Variants in PPP2R2B observed in about 807,000 individuals in gnomAD.
PPP2R2B encodes serine/threonine-protein phosphatase 2A 55 kDa regulatory subunit B beta isoform.
A neutral mutation model predicts 46.0 loss-of-function variants in PPP2R2B; 5 were observed. The observed-to-expected ratio is 0.11, with a 90% CI of 0.06 to 0.23. PPP2R2B has a LOEUF of 0.23. Among genes scored for constraint, PPP2R2B ranks in the 10% least tolerant of loss-of-function variants. PPP2R2B has a pLI of 1.00. For synonymous variants in PPP2R2B, 215 were observed against 206.7 expected (o/e 1.04, Z -0.34); for missense variants, 367 against 575.0 (o/e 0.64, Z 3.70).
Position 146,641,589 on chromosome 5 carries a change from G to T in PPP2R2B, c.626-3174C>A, listed in dbSNP as rs77233956. On this transcript the variant is annotated intron_variant, in intron 6 of 9. Coordinates refer to ENST00000394411, the MANE Select transcript of PPP2R2B (RefSeq NM_181675.4). Reference sequence around the variant, plus strand: ...TTATTTGGATTTTTACCTGCTGGAGGATTTGGTGAGTTCTAGAAACATTTG... The same window carrying T: ...TTATTTGGATTTTTACCTGCTGGAGTATTTGGTGAGTTCTAGAAACATTTG... Among the ~76,000 whole-genome samples the T allele has an allele frequency of 2.7e-5, 4 of 150,210 alleles. No individual in the cohort carries two copies. The Admixed American group carries it at 2.7e-4, about 10-fold the overall frequency.
At chr5:146,790,911 C>A (rs1291308526) in intron 2 of PPP2R2B, among the ~76,000 whole-genome samples, 1 of 152,152 alleles carries the variant, frequency 6.6e-6, no homozygotes, top group Non-Finnish European at 1.5e-5. Flanking sequence ...TGATTCTGAA[C>A]TATACTAGAG....
intron 2 of PPP2R2B, among the ~76,000 whole-genome samples, chr5:146,839,899 CT>C (rs1759523086): frequency 1.3e-5 from 2 of 152,122 alleles, no homozygotes. Flanking sequence ...TTTTTACTTC[CT>C]TAGGGTATGA....
rs374416018 is a variant in PPP2R2B at position 147,078,462 on chromosome 5, A to C, written c.50+2597T>G. Among the ~76,000 whole-genome samples, 10 of 152,080 alleles carry C rather than the reference A, an allele frequency of 6.6e-5. No individual in the cohort carries two copies. The East Asian group carries it at 1.2e-3, about 18-fold the overall frequency. ...CTTGTGGTGCCCAAAGCCAGTCCAC[A>C]ACATCAGAATTAACTGGGTAAACTC... On this transcript the variant is annotated intron_variant, in intron 2 of 10. Coordinates refer to the PPP2R2B transcript ENST00000394413.
At chr5:146,788,620 A>C (rs1369023272) in intron 2 of PPP2R2B, among the ~76,000 whole-genome samples, 1 of 152,128 alleles carries the variant, frequency 6.6e-6, no homozygotes, top group African/African-American at 2.4e-5. Context: ...AATCCCAGCT[A>C]CTTGGGAGGC....
chr5:146,763,655 A>G (rs1754298324), intron 2 of PPP2R2B, among the ~76,000 whole-genome samples: 1 of 152,218 alleles, frequency 6.6e-6, no homozygotes, highest in Non-Finnish European at 1.5e-5. Flanking sequence ...AGTTCTGTTA[A>G]AAGAATGCTT....
chr5:146,872,596 G>C (rs1761678579), intron 2 of PPP2R2B, among the ~76,000 whole-genome samples: 1 of 152,094 alleles, frequency 6.6e-6, no homozygotes, highest in Non-Finnish European at 1.5e-5. Context: ...GGGGATGGAG[G>C]AGGAATCTTT....
At chr5:146,710,610 C>T (rs1287680579) in intron 2 of PPP2R2B, among the ~76,000 whole-genome samples, 1 of 152,210 alleles carries the variant, frequency 6.6e-6, no homozygotes, top group African/African-American at 2.4e-5. Flanking sequence ...GTGTGGTTTA[C>T]AGTGGAATCT....
chr5:146,974,656 T>A (rs552879399), intron 1 of PPP2R2B, among the ~76,000 whole-genome samples: 20 of 151,966 alleles, frequency 1.3e-4, no homozygotes, highest in African/African-American at 4.6e-4. Context: ...ACTTAAAGTA[T>A]AATTTAAAAA....
At chr5:146,982,560 G>A (rs1054921436) in intron 1 of PPP2R2B, among the ~76,000 whole-genome samples, 5 of 152,056 alleles carry the variant, frequency 3.3e-5, no homozygotes, top group African/African-American at 4.8e-5. Flanking sequence ...GTCGGTTGAT[G>A]GTATTATTGC....
At chr5:146,648,431 T>G (rs1775726591) in intron 6 of PPP2R2B, among the ~76,000 whole-genome samples, 1 of 152,152 alleles carries the variant, frequency 6.6e-6, no homozygotes, top group Non-Finnish European at 1.5e-5. Flanking sequence ...CTCTTAAAAT[T>G]AAATTTCCAG....
At chr5:147,076,751 A>C (rs1435946944) in intron 2 of PPP2R2B, among the ~76,000 whole-genome samples, 2 of 151,936 alleles carry the variant, frequency 1.3e-5, no homozygotes, top group Non-Finnish European at 2.9e-5. Flanking sequence ...ATTTGATGTG[A>C]TGCTTTACTC....
chr5:146,584,986 T>C lies in PPP2R2B; in HGVS notation c.*4961A>G, dbSNP rs1770072324. 1 of 152,194 alleles carries C rather than the reference T, an allele frequency of 6.6e-6. No individual in the cohort carries two copies. The highest frequency in any genetic ancestry group is 1.5e-5 in the Non-Finnish European group (1 of 68,024). 9.4% of individuals were successfully genotyped at this position (152,194 alleles called of 1,614,324 possible). On this transcript the variant is annotated 3_prime_UTR_variant, in exon 10 of 10. Transcript: ENST00000394411. ...TCTGAGAACCTTTTCTTATCACTCATTGATTAACTATTTCTTCCTCTGTAT... is the reference window on the plus strand; with the variant it reads ...TCTGAGAACCTTTTCTTATCACTCACTGATTAACTATTTCTTCCTCTGTAT...
intron 2 of PPP2R2B, among the ~76,000 whole-genome samples, chr5:147,072,652 A>G (rs1445034617): frequency 6.6e-6 from 1 of 152,182 alleles, no homozygotes; most frequent in Admixed American, 6.5e-5. Context: ...ACGTGTTGAA[A>G]GCAGTTATTA....
At chr5:146,684,436 TAGAC>T (rs1256541699) in intron 5 of PPP2R2B, among the ~76,000 whole-genome samples, 1 of 152,206 alleles carries the variant, frequency 6.6e-6, no homozygotes, top group Non-Finnish European at 1.5e-5. Context: ...CTAAAGGCTA[TAGAC>T]AGACAGAACG....
chr5:146,906,905 G>T (rs1367002512), intron 1 of PPP2R2B, among the ~76,000 whole-genome samples: 1 of 152,190 alleles, frequency 6.6e-6, no homozygotes, highest in Non-Finnish European at 1.5e-5. Context: ...ACTTTATGCA[G>T]CTGATTAAAT....
chr5:147,056,921 A>G (rs979504071), upstream of PPP2R2B, among the ~76,000 whole-genome samples: 1 of 152,222 alleles, frequency 6.6e-6, no homozygotes, highest in African/African-American at 2.4e-5. Flanking sequence ...AATGTCCTTC[A>G]TGCTGCATTC....
chr5:146,768,316 C>T (rs1754618611), intron 2 of PPP2R2B, among the ~76,000 whole-genome samples: 1 of 152,096 alleles, frequency 6.6e-6, no homozygotes, highest in African/African-American at 2.4e-5. Flanking sequence ...TCAAACAATC[C>T]ATCTGCCCTG....
chr5:146,706,989 T>C (rs992914121), intron 2 of PPP2R2B: 9 of 985,614 alleles, frequency 9.1e-6, no homozygotes, highest in Admixed American at 8.4e-5. Flanking sequence ...ACTCCAGCTC[T>C]ACCTCGTTAA....
At chr5:146,957,975 A>C (rs780913366) in intron 1 of PPP2R2B, among the ~76,000 whole-genome samples, 28 of 152,192 alleles carry the variant, frequency 1.8e-4, no homozygotes, top group Non-Finnish European at 3.2e-4. Flanking sequence ...TCAAAATATA[A>C]AGTGAACCTA....
Sources: allele counts gnomAD v4.1 joint callset (sites outside exome capture counted in the v4.1 genomes callset), GRCh38; gene constraint gnomAD v4.1.1; transcripts MANE v1.5; gene names NCBI Gene and HGNC (gene_info 2026-07-23, HGNC 2026-07-21).